ARB2A: variants seen among roughly 807,000 people sequenced by gnomAD.
The protein encoded by ARB2A is ARB2 cotranscriptional regulator A.
the ARB2A span, chr5:93,682,918 G>C: frequency 6.4e-7 from 1 of 1,566,876 alleles, no homozygotes; most frequent in African/African-American, 1.3e-5. Context: ...CATAATTGAT[G>C]AATTTGGCTT....
chr5:94,074,925 T>G, the ARB2A span, among the ~76,000 whole-genome samples: 1 of 152,108 alleles, frequency 6.6e-6, no homozygotes, highest in South Asian at 2.1e-4. Flanking sequence ...TGCTTTGCAT[T>G]ATACTTATTT....
At chr5:93,973,990 G>C in the ARB2A span, among the ~76,000 whole-genome samples, 1 of 152,160 alleles carries the variant, frequency 6.6e-6, no homozygotes, top group Non-Finnish European at 1.5e-5. Context: ...CAACTACACA[G>C]TTGAGACTAC....
the ARB2A span, among the ~76,000 whole-genome samples, chr5:93,709,415 A>G: frequency 6.6e-6 from 1 of 151,980 alleles, no homozygotes; most frequent in Non-Finnish European, 1.5e-5. Context: ...AGGGTGGATC[A>G]CGAGGTCAGG....
At chr5:94,062,831 C>T in the ARB2A span, among the ~76,000 whole-genome samples, 1 of 152,214 alleles carries the variant, frequency 6.6e-6, no homozygotes. Flanking sequence ...TGCAGCCTGG[C>T]TAATGCCACC....
chr5:93,890,324 T>C, the ARB2A span, among the ~76,000 whole-genome samples: 1 of 151,712 alleles, frequency 6.6e-6, no homozygotes, highest in African/African-American at 2.4e-5. Flanking sequence ...ATCAAATACA[T>C]TATTTACCAC....
the ARB2A span, among the ~76,000 whole-genome samples, chr5:93,691,974 C>G: frequency 6.6e-6 from 1 of 152,126 alleles, no homozygotes; most frequent in Non-Finnish European, 1.5e-5. Context: ...TAAGCAAATG[C>G]TAAGAGATTT....
chr5:93,988,022 T>C, the ARB2A span, among the ~76,000 whole-genome samples: 28 of 152,194 alleles, frequency 1.8e-4, no homozygotes, highest in Admixed American at 1.7e-3. Flanking sequence ...TCTATAAGCC[T>C]AAGTGTTTAA....
At chr5:94,043,018 T>G in the ARB2A span, among the ~76,000 whole-genome samples, 2 of 152,132 alleles carry the variant, frequency 1.3e-5, no homozygotes, top group Non-Finnish European at 2.9e-5. Flanking sequence ...CTAAAATATT[T>G]TGTCATCCAC....
At chr5:94,034,381 T>C in the ARB2A span, among the ~76,000 whole-genome samples, 1 of 152,118 alleles carries the variant, frequency 6.6e-6, no homozygotes, top group Non-Finnish European at 1.5e-5. Context: ...TTTTTCTAAT[T>C]CTATCATATT....
the ARB2A span, among the ~76,000 whole-genome samples, chr5:93,898,430 T>C: frequency 6.6e-6 from 1 of 152,042 alleles, no homozygotes; most frequent in African/African-American, 2.4e-5. Flanking sequence ...GTATCTTCTT[T>C]TGTTTGATGT....
At chr5:93,926,197 T>C in the ARB2A span, among the ~76,000 whole-genome samples, 3 of 151,986 alleles carry the variant, frequency 2.0e-5, no homozygotes, top group African/African-American at 2.4e-5. Flanking sequence ...TGGCGCGATC[T>C]CGGCTCACCG....
the ARB2A span, among the ~76,000 whole-genome samples, chr5:93,827,210 C>A: frequency 6.6e-6 from 1 of 152,124 alleles, no homozygotes; most frequent in Non-Finnish European, 1.5e-5. Flanking sequence ...ACAGTCCCAC[C>A]AACAGTGTAA....
At chr5:93,827,093 T>A in the ARB2A span, among the ~76,000 whole-genome samples, 1 of 152,140 alleles carries the variant, frequency 6.6e-6, no homozygotes, top group Admixed American at 6.6e-5. Flanking sequence ...TGATTTATAA[T>A]CCTTTGGGTA....
the ARB2A span, among the ~76,000 whole-genome samples, chr5:93,918,246 T>C: frequency 6.6e-6 from 1 of 152,072 alleles, no homozygotes. Context: ...CCTGCTCTTG[T>C]CCAACAAAAA....
chr5:93,694,234 G>C, the ARB2A span, among the ~76,000 whole-genome samples: 2 of 152,192 alleles, frequency 1.3e-5, no homozygotes, highest in Non-Finnish European at 2.9e-5. Context: ...AATAGGAAGA[G>C]AGGAAGTCAA....
the ARB2A span, among the ~76,000 whole-genome samples, chr5:93,818,351 T>C: frequency 4.6e-5 from 7 of 152,150 alleles, no homozygotes; most frequent in African/African-American, 7.2e-5. Flanking sequence ...TCTGCAAATA[T>C]GCAAAAAGAC....
chr5:93,625,126 C>T, the ARB2A span, among the ~76,000 whole-genome samples: 6 of 152,116 alleles, frequency 3.9e-5, no homozygotes, highest in Admixed American at 3.9e-4. Context: ...ATGCATAGGA[C>T]CAAGTATCTG....
At chr5:93,674,931 T>C in the ARB2A span, among the ~76,000 whole-genome samples, 1 of 152,330 alleles carries the variant, frequency 6.6e-6, no homozygotes, top group East Asian at 1.9e-4. Context: ...ATATCCCCTA[T>C]GCACTGTTTA....
the ARB2A span, among the ~76,000 whole-genome samples, chr5:93,626,296 C>G: frequency 6.6e-6 from 1 of 152,156 alleles, no homozygotes; most frequent in Non-Finnish European, 1.5e-5. Context: ...CATGCATACA[C>G]ACATACTAAT....
Sources: allele counts gnomAD v4.1 joint callset (sites outside exome capture counted in the v4.1 genomes callset), GRCh38; gene constraint gnomAD v4.1.1; transcripts MANE v1.5; gene names NCBI Gene and HGNC (gene_info 2026-07-23, HGNC 2026-07-21).